The following HTR2A variants were observed in gnomAD, a reference collection of about 807,000 sequenced individuals.
The protein encoded by HTR2A is 5-HT2 receptor.
A neutral mutation model predicts 31.0 loss-of-function variants in HTR2A; 14 were observed. That is an observed-to-expected ratio of 0.45 (90% CI 0.30 to 0.71). HTR2A has a LOEUF of 0.71. HTR2A is among the 30% of genes least tolerant of loss of function. The pLI is 0.09. For synonymous variants in HTR2A, 209 were observed against 225.2 expected (o/e 0.93, Z 0.64); for missense variants, 442 against 573.3 (o/e 0.77, Z 2.34).
intron 3 of HTR2A, among the ~76,000 whole-genome samples, chr13:46,864,592 C>T (rs554929693): frequency 7.2e-5 from 11 of 152,292 alleles, no homozygotes; most frequent in South Asian, 2.1e-4. Context: ...CCTAAACTTC[C>T]GAGGATCCTC....
Position 46,895,753 on chromosome 13 carries a change from G to C in HTR2A, c.154C>G (p.Arg52Gly), listed in dbSNP as rs1222375103. 3 of 1,614,180 alleles carry C rather than the reference G, an allele frequency of 1.9e-6. No homozygotes were observed. Among genetic ancestry groups the C allele is most frequent in the Non-Finnish European group, 2.5e-6 (3 of 1,180,026 alleles). Residue 52 changes from arginine to glycine, a missense_variant, in exon 2 of 4, where the codon CGA becomes GGA. Physicochemically the swap from Arg to Gly is moderately radical, Grantham distance 125 (BLOSUM62 -2). Coordinates refer to ENST00000542664, the MANE Select transcript of HTR2A (RefSeq NM_000621.5). This position sits in a 1 kb window ranked among gnomAD's most constrained non-coding sequence, Gnocchi z 4.4. ...CACCCTTCACAGGAAAGGTTGGTTC[G>C]ATTTTCAGAGTCGACTGTCCAGTTA... is the stretch of plus-strand genomic sequence containing the variant. ...AFNWTVDSEN[R>G]TNLSCEGCLS...
At chr13:46,865,981 CCATCT>C (rs952485633) in intron 3 of HTR2A, among the ~76,000 whole-genome samples, 3 of 152,196 alleles carry the variant, frequency 2.0e-5, no homozygotes, top group African/African-American at 4.8e-5. Flanking sequence ...TTCTCTCCAG[CCATCT>C]CATGAGACTT....
chr13:46,896,219 C>G lies in HTR2A; in HGVS notation c.-313G>C. 1 of 1,120,834 alleles carries G rather than the reference C, an allele frequency of 8.9e-7. No individual in the cohort carries two copies. The highest frequency in any genetic ancestry group is 1.1e-6 in the Non-Finnish European group (1 of 918,224). 69.4% of individuals were successfully genotyped at this position (1,120,834 alleles called of 1,614,324 possible). On this transcript the variant is annotated 5_prime_UTR_variant, in exon 2 of 4. Transcript: ENST00000542664. ...GGTTGCAGGGTTTTTTTTGAGCGCT[C>G]GGGAAGATAAATGTCCTGGACAAAG...
In HTR2A at chr13:46,835,028, T is replaced by A. The variant is rs372505805; in HGVS notation, c.1225A>T (p.Ile409Phe). 38 of 1,614,056 alleles carry A rather than the reference T, an allele frequency of 2.4e-5. No individual in the cohort carries two copies. Among genetic ancestry groups the A allele is most frequent in the Non-Finnish European group, 2.5e-5 (30 of 1,180,024 alleles). ...AAAGCCGGTATTGTGTTCACTAAAA[T>A]TAACTGCAATGGTTTTTTGTTTTCC... is the stretch of plus-strand genomic sequence containing the variant. ...YKENKKPLQL[I>F]LVNTIPALAY... The change falls in exon 4 of 4, where the codon ATT (isoleucine) becomes TTT (phenylalanine). Residue 409 changes from isoleucine to phenylalanine, a missense_variant. Physicochemically the swap from Ile to Phe is conservative, Grantham distance 21 (BLOSUM62 0). Transcript: ENST00000542664.
intron 3 of HTR2A, chr13:46,852,041 A>G (rs966977890): frequency 5.3e-5 from 8 of 152,258 alleles, no homozygotes; most frequent in African/African-American, 1.9e-4. Context: ...GCAGGATTCA[A>G]TCTGTACTGG....
At chr13:46,865,223 G>A (rs1467205891) in intron 3 of HTR2A, among the ~76,000 whole-genome samples, 1 of 152,038 alleles carries the variant, frequency 6.6e-6, no homozygotes, top group Admixed American at 6.6e-5. Flanking sequence ...TAAATTAGAG[G>A]ATTAATTTTA....
At chr13:46,861,398 A>G (rs1950777538) in intron 3 of HTR2A, among the ~76,000 whole-genome samples, 1 of 152,160 alleles carries the variant, frequency 6.6e-6, no homozygotes, top group Non-Finnish European at 1.5e-5. Context: ...AATTTCCATT[A>G]CCTTCAGACA....
At chr13:46,842,424 CAG>C (rs1477229731) in intron 3 of HTR2A, among the ~76,000 whole-genome samples, 2 of 152,116 alleles carry the variant, frequency 1.3e-5, no homozygotes, top group Non-Finnish European at 2.9e-5. Flanking sequence ...TGTCTCATTT[CAG>C]AGACTCTGGT....
rs1876372534 is a variant in HTR2A at position 46,834,711 on chromosome 13, G to T, written c.*126C>A. On this transcript the variant is annotated 3_prime_UTR_variant, in exon 4 of 4. Coordinates refer to ENST00000542664, the MANE Select transcript of HTR2A (RefSeq NM_000621.5). ...CTTTTCATTGACAGAATAAAATGAG[G>T]CATACAGATATGATCGTTGGTTCCA... The T allele has an allele frequency of 1.5e-6, 1 of 668,196 alleles. No individual in the cohort carries two copies. The highest frequency in any genetic ancestry group is 2.5e-6 in the Non-Finnish European group (1 of 397,140). 41.4% of individuals were successfully genotyped at this position (668,196 alleles called of 1,614,324 possible). A position where few individuals can be genotyped will look rare whatever the true frequency, so the allele number is the denominator to read the frequency against.
intron 3 of HTR2A, among the ~76,000 whole-genome samples, chr13:46,865,674 G>A (rs538896605): frequency 2.0e-5 from 3 of 152,332 alleles, no homozygotes; most frequent in Admixed American, 2.0e-4. Context: ...GTGTGACAGA[G>A]CAGTTGAATG....
intron 3 of HTR2A, among the ~76,000 whole-genome samples, chr13:46,861,820 C>T (rs2138214758): frequency 6.6e-6 from 1 of 152,294 alleles, no homozygotes; most frequent in South Asian, 2.1e-4. Context: ...GAGGAGGGCC[C>T]TTCTGTGGCT....
At chr13:46,842,925 C>T (rs1199064755) in intron 3 of HTR2A, among the ~76,000 whole-genome samples, 1 of 152,126 alleles carries the variant, frequency 6.6e-6, no homozygotes, top group African/African-American at 2.4e-5. Flanking sequence ...CAACCACAGT[C>T]CGAAAATATT....
intron 3 of HTR2A, among the ~76,000 whole-genome samples, chr13:46,885,539 C>T (rs532175891): frequency 6.6e-6 from 1 of 152,210 alleles, no homozygotes; most frequent in South Asian, 2.1e-4. Flanking sequence ...AAACATAATC[C>T]AACCTTTCCA....
chr13:46,837,882 T>G (rs1465973192), intron 3 of HTR2A, among the ~76,000 whole-genome samples: 1 of 152,236 alleles, frequency 6.6e-6, no homozygotes, highest in Non-Finnish European at 1.5e-5. Flanking sequence ...TGCAAGCCCA[T>G]CCAGGATTCT....
At chr13:46,871,394 T>C (rs576787888) in intron 3 of HTR2A, among the ~76,000 whole-genome samples, 41 of 152,326 alleles carry the variant, frequency 2.7e-4, no homozygotes, top group African/African-American at 9.6e-4. Context: ...ACAACCTCTT[T>C]TGGTCCATCA....
chr13:46,868,869 A>G (rs1366064662), intron 3 of HTR2A, among the ~76,000 whole-genome samples: 2 of 152,210 alleles, frequency 1.3e-5, no homozygotes, highest in Admixed American at 6.5e-5. Context: ...TATTCTTATT[A>G]AGAAGTGTTA....
intron 3 of HTR2A, among the ~76,000 whole-genome samples, chr13:46,850,108 T>C (rs909044184): frequency 2.6e-5 from 4 of 152,150 alleles, no homozygotes; most frequent in African/African-American, 9.7e-5. Context: ...AAGTAGGGCT[T>C]TATAGAAGTT....
At chr13:46,890,274 C>T (rs907200653) in intron 3 of HTR2A, among the ~76,000 whole-genome samples, 9 of 152,180 alleles carry the variant, frequency 5.9e-5, no homozygotes, top group Non-Finnish European at 8.8e-5. Flanking sequence ...ATGCGGGAGG[C>T]GGAGGTTGCG....
At chr13:46,893,855 T>G (rs1951075892) in intron 2 of HTR2A, among the ~76,000 whole-genome samples, 1 of 152,170 alleles carries the variant, frequency 6.6e-6, no homozygotes, top group African/African-American at 2.4e-5. Context: ...CCGAACAAAC[T>G]CCAACGCAAA....
Sources: gnomAD v4.1 joint callset for allele counts (sites outside exome capture counted in the v4.1 genomes callset) on GRCh38, gnomAD v4.1.1 for gene constraint, Gnocchi (gnomAD v3.1) non-coding constraint, MANE v1.5 for transcripts, NCBI Gene and HGNC (gene_info 2026-07-23, HGNC 2026-07-21) for gene names.